PLCL1: variants seen among roughly 807,000 people sequenced by gnomAD.
The protein encoded by PLCL1 is inactive phospholipase C-like protein 1.
PLCL1 carries 41 observed loss-of-function variants against 84.4 expected under a neutral mutation model. The observed-to-expected ratio is 0.49, with a 90% CI of 0.38 to 0.63. PLCL1 has a LOEUF of 0.63. Ranked by LOEUF, PLCL1 falls within the 30% of genes least tolerant of loss-of-function variation. The probability of loss-of-function intolerance (pLI) is 0.00; values close to 1 mark genes in which losing one functional copy is unlikely to be tolerated. For missense variants in PLCL1, 1,206 were observed against 1,367.8 expected, an observed-to-expected ratio of 0.88 and a Z score of 1.87; for synonymous variants, 490 against 488.3, an observed-to-expected ratio of 1.00 and a Z score of -0.05.
At chr2:197,990,717 G>A (rs1043603732) in intron 1 of PLCL1, among the ~76,000 whole-genome samples, 2 of 152,130 alleles carry the variant, frequency 1.3e-5, no homozygotes, top group African/African-American at 4.8e-5. Flanking sequence ...TTCAAGATGA[G>A]ATTTGAGTGG....
intron 1 of PLCL1, among the ~76,000 whole-genome samples, chr2:197,991,990 C>A (rs1690354710): frequency 1.3e-5 from 2 of 152,132 alleles, no homozygotes; most frequent in African/African-American, 4.8e-5. Context: ...CTCAGCTCTG[C>A]ACACAACTTC....
chr2:197,830,272 G>GA lies in PLCL1; in HGVS notation c.240+24939dup, dbSNP rs550408436. The stretch of plus-strand genomic sequence containing the variant: ...CCAATGGAAGGAAGCTAGGAACCTT[G>GA]AAAAAAGGTTAGAGGGATTGCTAAC... On this transcript the variant is annotated intron_variant, in intron 1 of 5. Coordinates refer to ENST00000428675, the MANE Select transcript of PLCL1 (RefSeq NM_006226.4). Among the ~76,000 whole-genome samples the GA allele has an allele frequency of 4.3e-4, 66 of 151,864 alleles. 2 individuals are homozygous for GA. The South Asian group carries it at 9.8e-3, about 22-fold the overall frequency.
In PLCL1 at chr2:198,085,727, A is replaced by G. The variant is rs762447591; in HGVS notation, c.2210A>G (p.Lys737Arg). ...AGTGGTCAGAATTTCCCAAAGCCCA[A>G]GGGAGCTTGTGCCAAAGGGGATGTC... Reference protein sequence around the residue: ...IISGQNFPKPKGACAKGDVID... With the variant: ...IISGQNFPKPRGACAKGDVID... Residue 737 changes from lysine (K) to arginine (R), a missense_variant, in exon 2 of 6, where the codon AAG becomes AGG. By Grantham distance (26) the Lys-to-Arg change is conservative. Coordinates refer to ENST00000428675, the MANE Select transcript of PLCL1 (RefSeq NM_006226.4). The surrounding 1 kb of genome is among the most constrained non-coding windows in gnomAD (Gnocchi z 5.3). The G allele has an allele frequency of 1.7e-5, 27 of 1,614,182 alleles. No individual in the cohort carries two copies. Among genetic ancestry groups the G allele is most frequent in the Non-Finnish European group, 2.3e-5 (27 of 1,179,998 alleles).
chr2:197,958,150 G>A (rs1338803110), intron 1 of PLCL1, among the ~76,000 whole-genome samples: 1 of 151,918 alleles, frequency 6.6e-6, no homozygotes, highest in Non-Finnish European at 1.5e-5. Flanking sequence ...GGGATAAAAA[G>A]TTTACATATG....
At chr2:197,981,671 C>T (rs1370960906) in intron 1 of PLCL1, among the ~76,000 whole-genome samples, 1 of 152,028 alleles carries the variant, frequency 6.6e-6, no homozygotes, top group Non-Finnish European at 1.5e-5. Flanking sequence ...ATCAAGGGCC[C>T]GAAATGTCTG....
chr2:198,043,353 T>C (rs1691710509), intron 1 of PLCL1, among the ~76,000 whole-genome samples: 1 of 152,152 alleles, frequency 6.6e-6, no homozygotes, highest in South Asian at 2.1e-4. Flanking sequence ...ACAAGGAGGC[T>C]CTGGAATCTA....
chr2:197,837,561 A>G (rs1691216977), intron 1 of PLCL1, among the ~76,000 whole-genome samples: 1 of 152,182 alleles, frequency 6.6e-6, no homozygotes, highest in South Asian at 2.1e-4. Flanking sequence ...TCAAAAATCC[A>G]ACTTGGCTAA....
chr2:197,863,595 T>A (rs756407438), intron 1 of PLCL1, among the ~76,000 whole-genome samples: 3 of 151,962 alleles, frequency 2.0e-5, no homozygotes, highest in African/African-American at 7.3e-5. Context: ...CTTGGCCTAT[T>A]TAAATAGTAT....
chr2:197,879,380 C>A (rs1309667026), intron 1 of PLCL1, among the ~76,000 whole-genome samples: 1 of 152,166 alleles, frequency 6.6e-6, no homozygotes, highest in Non-Finnish European at 1.5e-5. Context: ...CTTATCTGTC[C>A]TTACAAACAT....
At chr2:197,895,769 A>G (rs1162705142) in intron 1 of PLCL1, among the ~76,000 whole-genome samples, 1 of 151,940 alleles carries the variant, frequency 6.6e-6, no homozygotes, top group African/African-American at 2.4e-5. Flanking sequence ...AATGATCATG[A>G]GAATCAACAT....
At chr2:197,988,857 C>G (rs1230658192) in intron 1 of PLCL1, among the ~76,000 whole-genome samples, 1 of 152,130 alleles carries the variant, frequency 6.6e-6, no homozygotes, top group Non-Finnish European at 1.5e-5. Flanking sequence ...ATAAGTGTTC[C>G]CCTTTCACCA....
At chr2:197,928,520 A>G (rs1559047918) in intron 1 of PLCL1, among the ~76,000 whole-genome samples, 1 of 152,220 alleles carries the variant, frequency 6.6e-6, no homozygotes, top group Non-Finnish European at 1.5e-5. Flanking sequence ...TACCACTGGT[A>G]TAGTTTTTGC....
chr2:197,986,166 A>T (rs1272040866), intron 1 of PLCL1, among the ~76,000 whole-genome samples: 5 of 152,196 alleles, frequency 3.3e-5, no homozygotes, highest in African/African-American at 9.7e-5. Flanking sequence ...GTCTTTGTGA[A>T]TCATCCTAAA....
intron 1 of PLCL1, among the ~76,000 whole-genome samples, chr2:197,898,224 CTA>C (rs1404080504): frequency 2.6e-5 from 4 of 152,106 alleles, no homozygotes; most frequent in Non-Finnish European, 5.9e-5. Flanking sequence ...TTGGCTAACT[CTA>C]TGAGTTCTTG....
chr2:198,077,674 C>T (rs1692612694), intron 1 of PLCL1, among the ~76,000 whole-genome samples: 1 of 152,168 alleles, frequency 6.6e-6, no homozygotes, highest in African/African-American at 2.4e-5. Context: ...ACTGAAACTG[C>T]AGCCCAGACT....
intron 1 of PLCL1, among the ~76,000 whole-genome samples, chr2:197,988,311 G>T (rs150712934): frequency 2.0e-5 from 3 of 152,268 alleles, no homozygotes; most frequent in African/African-American, 7.2e-5. Context: ...TGAAGTCTGA[G>T]ATTTTAGTGT....
At chr2:197,987,106 C>T (rs1690234743) in intron 1 of PLCL1, among the ~76,000 whole-genome samples, 2 of 152,112 alleles carry the variant, frequency 1.3e-5, no homozygotes. Flanking sequence ...AATATAAAGT[C>T]TCATTAGTTT....
At chr2:198,144,673 G>T (rs1215762182) in intron 5 of PLCL1, among the ~76,000 whole-genome samples, 1 of 152,118 alleles carries the variant, frequency 6.6e-6, no homozygotes, top group Non-Finnish European at 1.5e-5. Flanking sequence ...GATAAAAATT[G>T]GTTGAAGATG....
chr2:197,904,535 G>A (rs994522529), intron 1 of PLCL1, among the ~76,000 whole-genome samples: 6 of 152,046 alleles, frequency 3.9e-5, no homozygotes, highest in Non-Finnish European at 5.9e-5. Context: ...CCAGGAAGTC[G>A]GAGTAGGGTG....
Sources: gnomAD v4.1 joint callset for allele counts (sites outside exome capture counted in the v4.1 genomes callset) on GRCh38, gnomAD v4.1.1 for gene constraint, Gnocchi (gnomAD v3.1) non-coding constraint, MANE v1.5 for transcripts, NCBI Gene and HGNC (gene_info 2026-07-23, HGNC 2026-07-21) for gene names.